MYOF: variants seen among roughly 807,000 people sequenced by gnomAD.
MYOF encodes myoferlin, also known as fer-1-like 3, myoferlin.
In MYOF, 244 loss-of-function variants were observed where a neutral mutation model predicts 284.2. The observed-to-expected ratio is 0.86, with a 90% CI of 0.77 to 0.95. The LOEUF (loss-of-function observed/expected upper bound fraction) is 0.95. MYOF is among the 40% of genes least tolerant of loss of function. The probability of loss-of-function intolerance (pLI) is 0.00; values close to 1 mark genes in which losing one functional copy is unlikely to be tolerated. For missense variants in MYOF, 2,496 were observed against 2,560.6 expected (o/e 0.97, Z 0.54); for synonymous variants, 904 against 919.7 (o/e 0.98, Z 0.31).
chr10:93,455,221 G>A (rs796295968), intron 2 of MYOF, among the ~76,000 whole-genome samples: 10 of 151,608 alleles, frequency 6.6e-5, no homozygotes, highest in African/African-American at 1.9e-4. Flanking sequence ...CCCAGGAGGC[G>A]GAGGTTACGG....
intron 5 of MYOF, among the ~76,000 whole-genome samples, chr10:93,423,413 C>T (rs1479406925): frequency 1.3e-5 from 2 of 150,574 alleles, no homozygotes; most frequent in Non-Finnish European, 3.0e-5. Flanking sequence ...TGTAATCCCA[C>T]CTTCTCGGGA....
intron 3 of MYOF, among the ~76,000 whole-genome samples, chr10:93,447,333 A>G (rs2056459857): frequency 6.6e-6 from 1 of 152,078 alleles, no homozygotes; most frequent in Admixed American, 6.6e-5. Context: ...TGACTAGTGT[A>G]AACTGACTCA....
At chr10:93,441,863 G>A (rs1009182924) in intron 3 of MYOF, among the ~76,000 whole-genome samples, 3 of 151,792 alleles carry the variant, frequency 2.0e-5, no homozygotes, top group Admixed American at 6.6e-5. Flanking sequence ...GTGCCCGGCC[G>A]AGAGTTAGTA....
rs1437027293 is a variant in MYOF at position 93,408,829 on chromosome 10, G to C, written c.687C>G (p.His229Gln). The change falls in exon 7 of 54, where the codon CAC becomes CAG. Residue 229 changes from histidine (H) to glutamine (Q), a missense_variant. Physicochemically the swap from His to Gln is conservative, Grantham distance 24. This residue lies in a region of MYOF where 2,436 missense variants were observed against 2,480.7 expected (regional missense o/e 0.98). Coordinates refer to ENST00000359263, the MANE Select transcript of MYOF (RefSeq NM_013451.4). Reference protein sequence around the residue: ...VVKVHVCGQTHRTRIKRGNNP... With the variant: ...VVKVHVCGQTQRTRIKRGNNP... ...TGTTTCCTCTCTTGATTCTTGTTCGGTGTGTCTGGCCACAGACGTGAACTT... is the reference window on the plus strand; with the variant it reads ...TGTTTCCTCTCTTGATTCTTGTTCGCTGTGTCTGGCCACAGACGTGAACTT... 6.2e-7 allele frequency: 1 copy of C among 1,614,128 alleles called. No homozygotes were observed. Among genetic ancestry groups the C allele is most frequent in the African/African-American group, 1.3e-5 (1 of 75,018 alleles).
At chr10:93,470,414 G>GT (rs1353318532) in intron 1 of MYOF, among the ~76,000 whole-genome samples, 3 of 150,924 alleles carry the variant, frequency 2.0e-5, no homozygotes, top group Non-Finnish European at 4.4e-5. Flanking sequence ...TTTGTTTTTT[G>GT]TTTTTTGAGA....
intron 25 of MYOF, 147 bp downstream of exon 25, chr10:93,369,498 A>T: frequency 9.2e-7 from 1 of 1,085,078 alleles, no homozygotes; most frequent in Non-Finnish European, 1.3e-6. Context: ...CTTATCCCTT[A>T]GGTTAAGATC....
intron 5 of MYOF, among the ~76,000 whole-genome samples, chr10:93,410,730 C>T (rs1273160492): frequency 6.6e-6 from 1 of 152,182 alleles, no homozygotes; most frequent in African/African-American, 2.4e-5. Context: ...CTAAGAGAGC[C>T]TAGAAGACAA....
chr10:93,310,484 T>G, intron 52 of MYOF, 50 bp downstream of exon 52: 3 of 1,568,104 alleles, frequency 1.9e-6, no homozygotes, highest in Non-Finnish European at 2.6e-6. Context: ...GAAGGGGGGC[T>G]CTCAGCCTGC....
intron 5 of MYOF, among the ~76,000 whole-genome samples, chr10:93,413,216 A>G (rs1454632562): frequency 1.3e-5 from 2 of 152,176 alleles, no homozygotes; most frequent in African/African-American, 4.8e-5. Context: ...CAGCCTGCAG[A>G]TAACAAAGAA....
intron 38 of MYOF, 68 bp downstream of exon 38, chr10:93,343,788 C>T: frequency 6.7e-7 from 1 of 1,487,782 alleles, no homozygotes; most frequent in Non-Finnish European, 9.4e-7. Context: ...CTGAATTCAC[C>T]AAATGCTTAG....
At chr10:93,354,666 A>ACTCTCTCTCCCT (rs1554844077) in intron 31 of MYOF, among the ~76,000 whole-genome samples, 5 of 119,236 alleles carry the variant, frequency 4.2e-5, no homozygotes, top group South Asian at 2.8e-4. Flanking sequence ...TCACACATTC[A>ACTCTCTCTCCCT]CTCTCTCTCT....
At chr10:93,424,746 A>T (rs374028692) in intron 5 of MYOF, among the ~76,000 whole-genome samples, 17 of 152,146 alleles carry the variant, frequency 1.1e-4, no homozygotes, top group African/African-American at 3.9e-4. Flanking sequence ...GGTCAGGCTG[A>T]GCAAGATGAG....
chr10:93,477,617 G>A (rs542289082), intron 1 of MYOF, among the ~76,000 whole-genome samples: 1 of 151,996 alleles, frequency 6.6e-6, no homozygotes, highest in South Asian at 2.1e-4. Flanking sequence ...GGGAGGCCAA[G>A]GCAGGCGGAT....
At chr10:93,456,626 G>A (rs1266769376) in intron 2 of MYOF, among the ~76,000 whole-genome samples, 1 of 152,176 alleles carries the variant, frequency 6.6e-6, no homozygotes, top group Non-Finnish European at 1.5e-5. Flanking sequence ...GCTCGTGGCG[G>A]TGCCTGGTAA....
chr10:93,436,529 C>A (rs532240586), intron 3 of MYOF, among the ~76,000 whole-genome samples: 3 of 152,210 alleles, frequency 2.0e-5, no homozygotes, highest in Non-Finnish European at 4.4e-5. Context: ...TGACGGCCTG[C>A]AAAGACTTTA....
chr10:93,391,281 A>G (rs1336195738), intron 17 of MYOF, among the ~76,000 whole-genome samples: 1 of 152,186 alleles, frequency 6.6e-6, no homozygotes, highest in African/African-American at 2.4e-5. Context: ...ACATCTTAGT[A>G]TAGTCTCCTG....
chr10:93,408,648 G>T, intron 7 of MYOF, 139 bp downstream of exon 7: 1 of 1,126,224 alleles, frequency 8.9e-7, no homozygotes, highest in Non-Finnish European at 1.3e-6. Context: ...ACCCTGCCAT[G>T]CGTTCACATG....
At chr10:93,411,482 GA>G (rs1226523776) in intron 5 of MYOF, among the ~76,000 whole-genome samples, 1 of 152,328 alleles carries the variant, frequency 6.6e-6, no homozygotes, top group Admixed American at 6.5e-5. Flanking sequence ...TCAGGGTTAG[GA>G]TTTCAATGTG....
intron 19 of MYOF, among the ~76,000 whole-genome samples, chr10:93,382,224 A>G (rs1051663214): frequency 5.9e-5 from 9 of 152,024 alleles, no homozygotes; most frequent in Admixed American, 5.2e-4. Context: ...TGAATGAAGC[A>G]TTAATTTTTT....
Sources: gnomAD v4.1 joint callset for allele counts (sites outside exome capture counted in the v4.1 genomes callset) on GRCh38, gnomAD v4.1.1 for gene constraint, gnomAD v4.1.1 regional missense constraint, MANE v1.5 for transcripts, NCBI Gene and HGNC (gene_info 2026-07-23, HGNC 2026-07-21) for gene names.